PIGK: variants seen among roughly 807,000 people sequenced by gnomAD.
The protein encoded by PIGK is phosphatidylinositol glycan anchor biosynthesis class K.
In PIGK, 42 loss-of-function variants were observed where a neutral mutation model predicts 50.6. That is an observed-to-expected ratio of 0.83 (90% CI 0.65 to 1.07). The LOEUF is 1.07. PIGK is among the 50% of genes least tolerant of loss of function. The pLI is 0.00. For synonymous variants in PIGK, 151 were observed against 156.0 expected, an observed-to-expected ratio of 0.97 and a Z score of 0.24; for missense variants, 448 against 488.7, an observed-to-expected ratio of 0.92 and a Z score of 0.78.
intron 4 of PIGK, among the ~76,000 whole-genome samples, chr1:77,168,891 A>G (rs568987797): frequency 6.6e-6 from 1 of 152,220 alleles, no homozygotes; most frequent in South Asian, 2.1e-4. Context: ...TAGTCACTAT[A>G]GTTTTTCCAC....
intron 9 of PIGK, among the ~76,000 whole-genome samples, chr1:77,152,083 T>C (rs921213781): frequency 2.6e-5 from 4 of 152,088 alleles, no homozygotes; most frequent in African/African-American, 9.7e-5. Flanking sequence ...GGACGCATCA[T>C]ACTATTTGAT....
At chr1:77,106,556 A>T (rs1457729673) in intron 10 of PIGK, among the ~76,000 whole-genome samples, 1 of 152,150 alleles carries the variant, frequency 6.6e-6, no homozygotes, top group Non-Finnish European at 1.5e-5. Flanking sequence ...GTACAACAAA[A>T]ATGAATCTTA....
intron 9 of PIGK, among the ~76,000 whole-genome samples, chr1:77,135,508 T>C (rs1241832702): frequency 6.6e-6 from 1 of 152,064 alleles, no homozygotes. Context: ...CTATTTAATA[T>C]CATTATATTT....
At chr1:77,162,520 G>A (rs1655151422) in intron 6 of PIGK, among the ~76,000 whole-genome samples, 1 of 152,144 alleles carries the variant, frequency 6.6e-6, no homozygotes. Flanking sequence ...ATGAAGTCTG[G>A]ATCTTATCCT....
intron 3 of PIGK, among the ~76,000 whole-genome samples, chr1:77,174,356 C>T (rs1341029727): frequency 1.3e-5 from 2 of 152,128 alleles, no homozygotes; most frequent in Non-Finnish European, 2.9e-5. Flanking sequence ...GCAGAGGAGG[C>T]ACCACACACC....
At chr1:77,126,933 C>G (rs1320366598) in intron 9 of PIGK, among the ~76,000 whole-genome samples, 1 of 152,062 alleles carries the variant, frequency 6.6e-6, no homozygotes, top group African/African-American at 2.4e-5. Flanking sequence ...TTCCAAGGTC[C>G]TTCACTAAGA....
intron 3 of PIGK, among the ~76,000 whole-genome samples, chr1:77,173,296 A>T (rs1401041980): frequency 6.6e-6 from 1 of 152,240 alleles, no homozygotes; most frequent in Non-Finnish European, 1.5e-5. Flanking sequence ...AGAAACTTCT[A>T]AAAAGATTTC....
intron 2 of PIGK, among the ~76,000 whole-genome samples, chr1:77,207,929 C>T (rs1446991683): frequency 2.0e-5 from 3 of 152,000 alleles, no homozygotes; most frequent in African/African-American, 7.2e-5. Context: ...TCAAAAATAT[C>T]ATAAAATTCT....
intron 10 of PIGK, among the ~76,000 whole-genome samples, chr1:77,106,512 A>G (rs1465065926): frequency 6.6e-6 from 1 of 152,222 alleles, no homozygotes; most frequent in Non-Finnish European, 1.5e-5. Flanking sequence ...AGTCACTTTC[A>G]GTCATGGTAA....
chr1:77,132,254 G>A (rs1332790461), intron 9 of PIGK, among the ~76,000 whole-genome samples: 1 of 151,904 alleles, frequency 6.6e-6, no homozygotes, highest in African/African-American at 2.4e-5. Flanking sequence ...AATGTAATAA[G>A]TGATATAGCT....
intron 9 of PIGK, among the ~76,000 whole-genome samples, chr1:77,125,390 T>C (rs1191384169): frequency 2.0e-5 from 3 of 152,214 alleles, no homozygotes; most frequent in Non-Finnish European, 4.4e-5. Flanking sequence ...CAGCACTTTT[T>C]CCAAATGCAA....
intron 2 of PIGK, among the ~76,000 whole-genome samples, chr1:77,207,873 G>A (rs2100586878): frequency 6.6e-6 from 1 of 151,970 alleles, no homozygotes; most frequent in Non-Finnish European, 1.5e-5. Flanking sequence ...ATCCAATCAG[G>A]AAAAGACTAA....
intron 3 of PIGK, among the ~76,000 whole-genome samples, chr1:77,186,379 G>A (rs1048604627): frequency 3.9e-5 from 6 of 152,246 alleles, no homozygotes; most frequent in African/African-American, 1.4e-4. Flanking sequence ...CAGTGCACCT[G>A]GTTGTGCACT....
At chr1:77,109,581 C>A (rs914855406) in intron 10 of PIGK, among the ~76,000 whole-genome samples, 15 of 152,098 alleles carry the variant, frequency 9.9e-5, no homozygotes, top group East Asian at 9.6e-4. Flanking sequence ...AAAAACTCTA[C>A]ATAAATTAGG....
intron 10 of PIGK, among the ~76,000 whole-genome samples, chr1:77,102,495 C>T (rs1359884535): frequency 2.6e-5 from 4 of 152,062 alleles, no homozygotes; most frequent in Non-Finnish European, 2.9e-5. Context: ...GAAGGGACTC[C>T]GGCTGACTTT....
At chr1:77,213,398 C>G (rs1656468336) in intron 1 of PIGK, among the ~76,000 whole-genome samples, 1 of 152,042 alleles carries the variant, frequency 6.6e-6, no homozygotes. Context: ...AACTAGCAAT[C>G]AATTAACATG....
intron 9 of PIGK, among the ~76,000 whole-genome samples, chr1:77,152,550 T>G (rs1277100806): frequency 1.3e-5 from 2 of 152,048 alleles, no homozygotes; most frequent in South Asian, 4.1e-4. Context: ...AAACAATGTT[T>G]AAGGTGAAGA....
rs1653324668 is a variant in PIGK at position 77,092,556 on chromosome 1, A to G, written c.1072-66T>C. On this transcript the variant is annotated intron_variant, in intron 10 of 10. Coordinates refer to ENST00000370812, the MANE Select transcript of PIGK (RefSeq NM_005482.3). The stretch of plus-strand genomic sequence containing the variant: ...AATAATTCAGCAATCAATAAAGCAA[A>G]CATTGATGAAAAAGATAAATTTCAC... 41 of 861,584 alleles carry G rather than the reference A, an allele frequency of 4.8e-5. No individual in the cohort carries two copies. In the South Asian group the frequency reaches 5.5e-4, roughly 11 times the overall value. The allele number at this position is 861,584 out of a possible 1,614,324, so 53.4% of individuals were successfully genotyped here. A position where few individuals can be genotyped will look rare whatever the true frequency, so the allele number is the denominator to read the frequency against.
intron 2 of PIGK, 102 bp from the exon 3 acceptor site, chr1:77,206,833 G>A: frequency 1.5e-6 from 1 of 680,746 alleles, no homozygotes; most frequent in Non-Finnish European, 2.6e-6. Flanking sequence ...CTAAGAAACA[G>A]TATGCCATAA....
Sources: gnomAD v4.1 joint callset for allele counts (sites outside exome capture counted in the v4.1 genomes callset) on GRCh38, gnomAD v4.1.1 for gene constraint, MANE v1.5 for transcripts, NCBI Gene and HGNC (gene_info 2026-07-23, HGNC 2026-07-21) for gene names.